The following NTNG1 variants were observed in gnomAD, a reference collection of about 807,000 sequenced individuals.
NTNG1 encodes netrin-G1.
NTNG1 carries 16 observed loss-of-function variants against 54.0 expected under a neutral mutation model. The ratio of observed to expected loss-of-function variants is 0.30; its 90% CI spans 0.20 to 0.45. The LOEUF is 0.45. Ranked by LOEUF, NTNG1 falls within the 20% of genes least tolerant of loss-of-function variation. The pLI, the probability that NTNG1 is intolerant of heterozygous loss-of-function variation, is 1.00. For missense variants in NTNG1, 530 were observed against 678.7 expected, an observed-to-expected ratio of 0.78 and a Z score of 2.43; for synonymous variants, 255 against 263.1, an observed-to-expected ratio of 0.97 and a Z score of 0.30.
chr1:107,394,513 T>G (rs1672558673), intron 3 of NTNG1, among the ~76,000 whole-genome samples: 1 of 152,130 alleles, frequency 6.6e-6, no homozygotes, highest in Admixed American at 6.5e-5. Flanking sequence ...ATTCTCCGAT[T>G]TGCTGTGAGT....
chr1:107,364,943 A>G (rs1395711399), intron 3 of NTNG1, among the ~76,000 whole-genome samples: 1 of 152,220 alleles, frequency 6.6e-6, no homozygotes, highest in African/African-American at 2.4e-5. Flanking sequence ...TAGCACTTGT[A>G]ACACTGATGG....
intron 2 of NTNG1, among the ~76,000 whole-genome samples, chr1:107,317,542 T>G (rs1173725195): frequency 6.6e-6 from 1 of 152,194 alleles, no homozygotes; most frequent in Non-Finnish European, 1.5e-5. Context: ...GAATCTGTTT[T>G]TGTGGCTTAT....
chr1:107,199,234 A>G (rs1242286594), intron 2 of NTNG1, among the ~76,000 whole-genome samples: 3 of 151,416 alleles, frequency 2.0e-5, no homozygotes, highest in Non-Finnish European at 3.0e-5. Flanking sequence ...TAATTCTTTT[A>G]TGTATTCTCA....
In NTNG1 at chr1:107,364,267, C is replaced by T. The variant is rs147962053; in HGVS notation, c.888-30887C>T. 2.2e-4 allele frequency among the ~76,000 whole-genome samples: 33 copies of T among 152,208 alleles called. No individual in the cohort carries two copies. In the East Asian group the frequency reaches 5.0e-3, roughly 23 times the overall value. On this transcript the variant is annotated intron_variant, in intron 3 of 7. Transcript: ENST00000370068. ...TAATTTGTATTTACCATAATCATTT[C>T]AGTAATTTTACATAATTCTCGTGGC...
At chr1:107,331,433 C>G (rs1450665911) in intron 3 of NTNG1, among the ~76,000 whole-genome samples, 12 of 152,080 alleles carry the variant, frequency 7.9e-5, no homozygotes, top group Non-Finnish European at 1.5e-4. Flanking sequence ...TATCAACTTT[C>G]AAATGTGTGA....
chr1:107,314,449 A>G (rs1282554031), intron 2 of NTNG1, among the ~76,000 whole-genome samples: 1 of 151,010 alleles, frequency 6.6e-6, no homozygotes, highest in Non-Finnish European at 1.5e-5. Context: ...ATAAATAAAA[A>G]TGAGATACAC....
rs769452718 is a variant in NTNG1 at position 107,407,761 on chromosome 1, G to T, written c.1087+53G>T. On this transcript the variant is annotated intron_variant, in intron 5 of 7. Transcript: ENST00000370068. ...ACCAAACCAAGTCTAGGCTAGCTTT[G>T]CTTTGTTGTTCACCTCCTCAGATCT... The T allele has an allele frequency of 2.8e-5, 41 of 1,475,666 alleles. 2 individuals carry two copies. The South Asian group carries it at 4.7e-4, about 17-fold the overall frequency. The allele number at this position is 1,475,666 out of a possible 1,614,324, so 91.4% of individuals were successfully genotyped here. A position where few individuals can be genotyped will look rare whatever the true frequency, so the allele number is the denominator to read the frequency against.
At chr1:107,290,240 T>C (rs3123381) in intron 2 of NTNG1, among the ~76,000 whole-genome samples, 150,312 of 152,322 alleles carry the variant, frequency 0.99, 74,200 homozygotes, top group Non-Finnish European at 1. Context: ...AAATATCAAA[T>C]AGAATTATCT....
At position 107,395,399 on chromosome 1, in the gene NTNG1, A is replaced by G. The variant is rs554248624; in HGVS notation, c.1060+73A>G. 12 of 1,376,874 alleles carry G rather than the reference A, an allele frequency of 8.7e-6. No individual in the cohort carries two copies. In the Admixed American group the frequency reaches 1.3e-4, roughly 15 times the overall value. 85.3% of individuals were successfully genotyped at this position (1,376,874 alleles called of 1,614,324 possible). ...ATAGTTCCTCTCAATTTTGCTTACAATTGTGATTTTATTCCTCTTACCAGT... is the reference window on the plus strand; with the variant it reads ...ATAGTTCCTCTCAATTTTGCTTACAGTTGTGATTTTATTCCTCTTACCAGT... On this transcript the variant is annotated intron_variant, in intron 4 of 7. Coordinates refer to ENST00000370068, the MANE Select transcript of NTNG1 (RefSeq NM_001113226.3).
At chr1:107,346,710 C>T (rs1320423002) in intron 3 of NTNG1, among the ~76,000 whole-genome samples, 1 of 151,726 alleles carries the variant, frequency 6.6e-6, no homozygotes, top group African/African-American at 2.4e-5. Context: ...CAAGGCACCC[C>T]CTACTTAACA....
At chr1:107,421,360 T>G (rs1674565686) in intron 5 of NTNG1, among the ~76,000 whole-genome samples, 1 of 152,102 alleles carries the variant, frequency 6.6e-6, no homozygotes, top group Non-Finnish European at 1.5e-5. Flanking sequence ...ATGTTACATT[T>G]GTTTTCTGAA....
At chr1:107,388,889 T>C (rs564453171) in intron 3 of NTNG1, among the ~76,000 whole-genome samples, 2 of 152,364 alleles carry the variant, frequency 1.3e-5, no homozygotes, top group South Asian at 4.1e-4. Context: ...CTGTATAATG[T>C]ATCACTCTTT....
At chr1:107,379,201 A>G (rs886776502) in intron 3 of NTNG1, among the ~76,000 whole-genome samples, 1 of 152,192 alleles carries the variant, frequency 6.6e-6, no homozygotes, top group African/African-American at 2.4e-5. Context: ...GGGTCCTCAA[A>G]TGAAGGGAAA....
chr1:107,341,452 G>C (rs534814877), intron 3 of NTNG1, among the ~76,000 whole-genome samples: 3 of 152,034 alleles, frequency 2.0e-5, no homozygotes, highest in African/African-American at 7.2e-5. Flanking sequence ...AATTACAAAG[G>C]GGGAAGAGCA....
At chr1:107,283,322 T>A (rs1325803689) in intron 2 of NTNG1, among the ~76,000 whole-genome samples, 1 of 152,126 alleles carries the variant, frequency 6.6e-6, no homozygotes, top group African/African-American at 2.4e-5. Flanking sequence ...ACCTACCAGC[T>A]CTTCTTTCCT....
chr1:107,195,404 C>T (rs1022192171), intron 2 of NTNG1, among the ~76,000 whole-genome samples: 1 of 151,880 alleles, frequency 6.6e-6, no homozygotes, highest in East Asian at 1.9e-4. Flanking sequence ...CCTGCCTTTG[C>T]CTCCCCTTCA....
intron 3 of NTNG1, among the ~76,000 whole-genome samples, chr1:107,362,863 C>T (rs1305769685): frequency 6.6e-6 from 1 of 152,192 alleles, no homozygotes; most frequent in Non-Finnish European, 1.5e-5. Context: ...CCCTTCTTAA[C>T]AATCTGTTTT....
chr1:107,243,527 A>G (rs888513290), intron 2 of NTNG1, among the ~76,000 whole-genome samples: 1 of 152,224 alleles, frequency 6.6e-6, no homozygotes, highest in African/African-American at 2.4e-5. Flanking sequence ...ACAGAATTGT[A>G]TAAGTTGGTT....
At chr1:107,273,569 T>G (rs1387400580) in intron 2 of NTNG1, among the ~76,000 whole-genome samples, 3 of 152,218 alleles carry the variant, frequency 2.0e-5, no homozygotes, top group Admixed American at 2.0e-4. Flanking sequence ...CCCAGCTTCT[T>G]TTCCAGTCTG....
Sources: gnomAD v4.1 joint callset for allele counts (sites outside exome capture counted in the v4.1 genomes callset) on GRCh38, gnomAD v4.1.1 for gene constraint, MANE v1.5 for transcripts, NCBI Gene and HGNC (gene_info 2026-07-23, HGNC 2026-07-21) for gene names.